CPNE5: variants seen among roughly 807,000 people sequenced by gnomAD.
CPNE5 encodes copine 5, also known as copine-5.
A neutral mutation model predicts 81.1 loss-of-function variants in CPNE5; 42 were observed. The observed-to-expected ratio is 0.52, with a 90% CI of 0.40 to 0.67. The LOEUF is 0.67. Among genes scored for constraint, CPNE5 ranks in the 30% least tolerant of loss-of-function variants. The pLI, the probability that CPNE5 is intolerant of heterozygous loss-of-function variation, is 0.00. For synonymous variants in CPNE5, 313 were observed against 321.5 expected (o/e 0.97, Z 0.28); for missense variants, 612 against 815.5 (o/e 0.75, Z 3.04).
intron 7 of CPNE5, among the ~76,000 whole-genome samples, chr6:36,792,808 G>A (rs532393350): frequency 1.2e-4 from 19 of 152,288 alleles, no homozygotes; most frequent in African/African-American, 4.1e-4. Context: ...CCCCTGGTTA[G>A]ATAGGACCCC....
At chr6:36,778,055 C>G (rs915226845) in intron 9 of CPNE5, among the ~76,000 whole-genome samples, 2 of 152,150 alleles carry the variant, frequency 1.3e-5, no homozygotes, top group Non-Finnish European at 2.9e-5. Context: ...GTGGCCACAG[C>G]CTGCCAGAAT....
chr6:36,747,269 C>A (rs149270144), intron 15 of CPNE5, among the ~76,000 whole-genome samples: 21 of 151,750 alleles, frequency 1.4e-4, no homozygotes, highest in African/African-American at 4.4e-4. Context: ...CCAGAGCCCT[C>A]TTCGCTGCCA....
intron 11 of CPNE5, 129 bp downstream of exon 11, chr6:36,765,206 A>T (rs778194555): frequency 2.6e-5 from 24 of 922,776 alleles, no homozygotes; most frequent in Non-Finnish European, 3.6e-5. Context: ...ACACACGCAA[A>T]CCCAGGCTCC....
chr6:36,765,821 G>A (rs1000029634), intron 10 of CPNE5, among the ~76,000 whole-genome samples: 15 of 152,098 alleles, frequency 9.9e-5, no homozygotes, highest in African/African-American at 3.6e-4. Context: ...GAGGGCTTTG[G>A]GTGTGGGAGC....
intron 12 of CPNE5, among the ~76,000 whole-genome samples, chr6:36,762,000 C>T (rs1364968684): frequency 6.6e-6 from 1 of 151,956 alleles, no homozygotes; most frequent in Non-Finnish European, 1.5e-5. Flanking sequence ...GCCTATAATC[C>T]CAGCACTTTG....
At chr6:36,815,278 G>C (rs1050794940) in intron 3 of CPNE5, among the ~76,000 whole-genome samples, 5 of 152,106 alleles carry the variant, frequency 3.3e-5, no homozygotes, top group African/African-American at 1.2e-4. Flanking sequence ...GAGCTCCTCT[G>C]GTTGTAGGCA....
At chr6:36,823,172 A>C in intron 1 of CPNE5, 74 bp from the exon 2 acceptor site, 2 of 1,308,090 alleles carry the variant, frequency 1.5e-6, no homozygotes, top group Non-Finnish European at 2.1e-6. Flanking sequence ...TCAGGCTGTT[A>C]CCGAGACCCA....
chr6:36,754,660 C>T (rs551002936), intron 13 of CPNE5: 1 of 152,364 alleles, frequency 6.6e-6, no homozygotes, highest in East Asian at 1.9e-4. Context: ...GGGCCTAGGC[C>T]CGCTCTGTCT....
In CPNE5 at chr6:36,745,426, G is replaced by T; in HGVS notation, c.1290C>A (p.Gly430=). The change falls in exon 17 of 21, where the codon GGC becomes GGA. Residue 430 remains glycine, a synonymous_variant. Coordinates refer to ENST00000244751, the MANE Select transcript of CPNE5 (RefSeq NM_020939.2). The part of the protein sequence containing the change: ...HRSLRTVQLY[G]PTNFAPVVTH... ...TGACCACGGGGGCAAAGTTGGTGGG[G>T]CCGTACAGCTGCACAGTGCGCAGGC... The T allele has an allele frequency of 1.2e-6, 2 of 1,607,312 alleles. No homozygotes were observed. The highest frequency in any genetic ancestry group is 8.5e-7 in the Non-Finnish European group (1 of 1,177,578).
Position 36,839,442 on chromosome 6 carries a change from A to C in CPNE5, c.-65T>G. ...CGCGATTCACGCCTCCTCCGGAGCG[A>C]CTGGAGCCCTGGGCTCTCCCCCAAC... On this transcript the variant is annotated 5_prime_UTR_variant, in exon 1 of 21. Coordinates refer to ENST00000244751, the MANE Select transcript of CPNE5 (RefSeq NM_020939.2). The surrounding 1 kb of genome is among the most constrained non-coding windows in gnomAD (Gnocchi z 7.3). The C allele has an allele frequency of 7.3e-7, 1 of 1,375,478 alleles. No homozygotes were observed. The highest frequency in any genetic ancestry group is 1.5e-5 in the African/African-American group (1 of 68,656). The allele number at this position is 1,375,478 out of a possible 1,614,324, so 85.2% of individuals were successfully genotyped here.
chr6:36,819,217 C>T (rs990107329), intron 3 of CPNE5, among the ~76,000 whole-genome samples: 2 of 152,234 alleles, frequency 1.3e-5, no homozygotes, highest in Non-Finnish European at 1.5e-5. Context: ...ATTCTCCTGC[C>T]TCAGCCTCCC....
chr6:36,800,896 G>A (rs566541514), intron 3 of CPNE5, among the ~76,000 whole-genome samples: 16 of 152,296 alleles, frequency 1.1e-4, no homozygotes, highest in African/African-American at 3.6e-4. Context: ...CTGCCCATCC[G>A]TAAGAATTGG....
At chr6:36,775,721 A>G (rs1447726511) in intron 9 of CPNE5, among the ~76,000 whole-genome samples, 11 of 150,548 alleles carry the variant, frequency 7.3e-5, no homozygotes, top group Non-Finnish European at 5.9e-5. Context: ...TTTCTATTTC[A>G]TTTGTCACCA....
In CPNE5 at chr6:36,742,240, C is replaced by T. The variant is rs1763630469; in HGVS notation, c.*28G>A. On this transcript the variant is annotated 3_prime_UTR_variant, in exon 21 of 21. Transcript: ENST00000244751. Reference sequence around the variant, plus strand: ...CCCATTCACCTGGCCTCTCCCAGGCCCCAGCCACCTGCCTGCTGAGACCAG... The same window carrying T: ...CCCATTCACCTGGCCTCTCCCAGGCTCCAGCCACCTGCCTGCTGAGACCAG... The T allele has an allele frequency of 6.6e-7, 1 of 1,521,600 alleles. No individual in the cohort carries two copies. Among genetic ancestry groups the T allele is most frequent in the Non-Finnish European group, 8.9e-7 (1 of 1,125,638 alleles). 94.3% of individuals were successfully genotyped at this position (1,521,600 alleles called of 1,614,324 possible).
intron 6 of CPNE5, 71 bp from the exon 7 acceptor site, chr6:36,794,720 T>G: frequency 7.2e-7 from 1 of 1,394,286 alleles, no homozygotes; most frequent in South Asian, 1.2e-5. Flanking sequence ...CCAGCGCACT[T>G]GGCATCCAGA....
In CPNE5 at chr6:36,746,078, C is replaced by T. The variant is rs927654718; in HGVS notation, c.1200+318G>A. On this transcript the variant is annotated intron_variant, in intron 16 of 20. Coordinates refer to ENST00000244751, the MANE Select transcript of CPNE5 (RefSeq NM_020939.2). This position sits in a 1 kb window ranked among gnomAD's most constrained non-coding sequence, Gnocchi z 4.5. ...CACTGACTCAGGGATACCCAACCCA[C>T]ACCACCTTGTTCACTTTTCTGGGGC... 44 of 778,494 alleles carry T rather than the reference C, an allele frequency of 5.7e-5. No homozygotes were observed. The highest frequency in any genetic ancestry group is 6.7e-5 in the Non-Finnish European group (43 of 641,060). The allele number at this position is 778,494 out of a possible 1,614,324, so 48.2% of individuals were successfully genotyped here.
At chr6:36,820,388 C>A (rs546798119) in intron 3 of CPNE5, among the ~76,000 whole-genome samples, 60 of 134,436 alleles carry the variant, frequency 4.5e-4, no homozygotes, top group Non-Finnish European at 8.3e-4. Flanking sequence ...GTCGCCCAGG[C>A]TGGAGTGCAG....
intron 12 of CPNE5, among the ~76,000 whole-genome samples, chr6:36,761,815 A>G (rs2150410123): frequency 6.6e-6 from 1 of 152,366 alleles, no homozygotes; most frequent in Admixed American, 6.5e-5. Flanking sequence ...GGTTATAAGT[A>G]TCTGCCATTA....
At chr6:36,793,922 A>G (rs1769324876) in intron 7 of CPNE5, among the ~76,000 whole-genome samples, 1 of 152,128 alleles carries the variant, frequency 6.6e-6, no homozygotes, top group Non-Finnish European at 1.5e-5. Flanking sequence ...CCAGTGGGCG[A>G]GTGGGCGTGA....
Sources: allele counts gnomAD v4.1 joint callset (sites outside exome capture counted in the v4.1 genomes callset), GRCh38; gene constraint gnomAD v4.1.1; non-coding constraint Gnocchi (gnomAD v3.1); transcripts MANE v1.5; gene names NCBI Gene and HGNC (gene_info 2026-07-23, HGNC 2026-07-21).